CNTNAP4: variants seen among roughly 807,000 people sequenced by gnomAD.
The protein encoded by CNTNAP4 is contactin-associated protein-like 4.
In CNTNAP4, 98 loss-of-function variants were observed where a neutral mutation model predicts 148.4. The ratio of observed to expected loss-of-function variants is 0.66; its 90% confidence interval spans 0.56 to 0.78. CNTNAP4 has a LOEUF of 0.78. Ranked by LOEUF, CNTNAP4 falls within the 30% of genes least tolerant of loss-of-function variation. The probability of loss-of-function intolerance (pLI) is 0.00; values close to 1 mark genes in which losing one functional copy is unlikely to be tolerated. For missense variants in CNTNAP4, 1,935 were observed against 1,565.6 expected, an observed-to-expected ratio of 1.24 and a Z score of -3.98; for synonymous variants, 730 against 565.1, an observed-to-expected ratio of 1.29 and a Z score of -4.14.
At chr16:76,423,047 A>G (rs1006434149) in intron 3 of CNTNAP4, among the ~76,000 whole-genome samples, 1 of 152,136 alleles carries the variant, frequency 6.6e-6, no homozygotes, top group Non-Finnish European at 1.5e-5. Flanking sequence ...CCGTTCCACG[A>G]TGTGAGACTA....
intron 1 of CNTNAP4, among the ~76,000 whole-genome samples, chr16:76,304,495 T>C (rs1451027789): frequency 6.6e-6 from 1 of 152,170 alleles, no homozygotes; most frequent in Non-Finnish European, 1.5e-5. Flanking sequence ...TGGCTGAGCC[T>C]GGAGCATCCC....
At chr16:76,426,541 C>T (rs1568121156) in intron 3 of CNTNAP4, among the ~76,000 whole-genome samples, 1 of 152,172 alleles carries the variant, frequency 6.6e-6, no homozygotes, top group Non-Finnish European at 1.5e-5. Context: ...ACTTCTCCAC[C>T]TGTAGTCTTA....
chr16:76,460,771 A>ATATATATATATATATATATATATATATAT (rs1189756560), intron 8 of CNTNAP4, among the ~76,000 whole-genome samples: 1 of 33,658 alleles, frequency 3.0e-5, no homozygotes, highest in Non-Finnish European at 7.4e-5. Context: ...AAAAAAAAAA[A>ATATATATATATATATATATATATATATAT]AAATATATAT....
At chr16:76,314,148 T>C (rs1961446438) in intron 1 of CNTNAP4, among the ~76,000 whole-genome samples, 1 of 152,240 alleles carries the variant, frequency 6.6e-6, no homozygotes, top group Non-Finnish European at 1.5e-5. Flanking sequence ...AATATGTATG[T>C]ATACACATTG....
At chr16:76,327,861 A>T (rs1325290876) in intron 2 of CNTNAP4, among the ~76,000 whole-genome samples, 1 of 152,194 alleles carries the variant, frequency 6.6e-6, no homozygotes, top group Non-Finnish European at 1.5e-5. Flanking sequence ...GGCATTGGAT[A>T]CCAGTAGCTT....
intron 17 of CNTNAP4, among the ~76,000 whole-genome samples, chr16:76,523,748 G>C: frequency 6.6e-6 from 1 of 152,044 alleles, no homozygotes; most frequent in East Asian, 1.9e-4. Flanking sequence ...AACACAGCAA[G>C]ATCCATCTCT....
chr16:76,460,624 G>C (rs373117709), intron 8 of CNTNAP4, among the ~76,000 whole-genome samples: 1 of 147,886 alleles, frequency 6.8e-6, no homozygotes, highest in African/African-American at 2.5e-5. Context: ...TTAGCCAGGC[G>C]TGGTGGCAAG....
intron 3 of CNTNAP4, 90 bp downstream of exon 3, chr16:76,355,601 A>T (rs17699131): frequency 0.13 from 117,384 of 911,830 alleles, 10,800 homozygotes; most frequent in East Asian, 0.44. Flanking sequence ...TTAAGTAGAC[A>T]TACAGAATCT....
At chr16:76,317,252 C>CAAAAAAAAAAAGA (rs1961863055) in intron 2 of CNTNAP4, among the ~76,000 whole-genome samples, 1 of 86,282 alleles carries the variant, frequency 1.2e-5, no homozygotes, top group African/African-American at 4.1e-5. Flanking sequence ...GACCCTGTCT[C>CAAAAAAAAAAAGA]AAAAAAAAAA....
chr16:76,492,179 G>A (rs4888516), intron 13 of CNTNAP4, among the ~76,000 whole-genome samples: 121,667 of 152,048 alleles, frequency 0.8, 50,137 homozygotes, highest in East Asian at 0.96. Flanking sequence ...CTGGAGACAT[G>A]GTATACAGAA....
At chr16:76,350,961 G>A (rs8045862) in intron 2 of CNTNAP4, among the ~76,000 whole-genome samples, 19,801 of 152,102 alleles carry the variant, frequency 0.13, 2,005 homozygotes, top group East Asian at 0.47. Flanking sequence ...GCAGTATGGG[G>A]ACAAATAGGA....
At chr16:76,445,543 T>G (rs1218708069) in intron 4 of CNTNAP4, among the ~76,000 whole-genome samples, 1 of 152,178 alleles carries the variant, frequency 6.6e-6, no homozygotes, top group Non-Finnish European at 1.5e-5. Context: ...GGCCTTGGTT[T>G]AAGAGTATGC....
chr16:76,437,797 G>T (rs1267621428), intron 4 of CNTNAP4, among the ~76,000 whole-genome samples: 2 of 152,038 alleles, frequency 1.3e-5, no homozygotes, highest in African/African-American at 4.8e-5. Context: ...AATAGAATTA[G>T]AAAATGTCTA....
intron 10 of CNTNAP4, among the ~76,000 whole-genome samples, chr16:76,475,380 C>G (rs2081534277): frequency 6.6e-6 from 1 of 152,138 alleles, no homozygotes; most frequent in Admixed American, 6.5e-5. Flanking sequence ...TTGAGTATGA[C>G]AGATATTTCT....
chr16:76,445,565 G>A (rs2080208063), intron 4 of CNTNAP4, among the ~76,000 whole-genome samples: 1 of 152,054 alleles, frequency 6.6e-6, no homozygotes, highest in South Asian at 2.1e-4. Context: ...ATTGCTTTAG[G>A]CATTAATGGT....
At chr16:76,407,775 A>G (rs2078645121) in intron 3 of CNTNAP4, among the ~76,000 whole-genome samples, 1 of 152,186 alleles carries the variant, frequency 6.6e-6, no homozygotes, top group Non-Finnish European at 1.5e-5. Flanking sequence ...AGAATATTAC[A>G]TGAACTTAGT....
chr16:76,479,339 T>A (rs1169981209), intron 11 of CNTNAP4, 80 bp from the exon 12 acceptor site: 2 of 1,262,240 alleles, frequency 1.6e-6, no homozygotes, highest in East Asian at 2.6e-5. Context: ...ATTTCAAGAT[T>A]TGCGGTATTT....
intron 3 of CNTNAP4, among the ~76,000 whole-genome samples, chr16:76,355,758 TTAAA>T (rs2012519616): frequency 6.6e-6 from 1 of 150,472 alleles, no homozygotes; most frequent in Non-Finnish European, 1.5e-5. Flanking sequence ...TATTAGTCCA[TTAAA>T]TAGTGTGGGA....
intron 2 of CNTNAP4, among the ~76,000 whole-genome samples, chr16:76,323,299 C>CT (rs1020387781): frequency 1.2e-4 from 18 of 148,112 alleles, no homozygotes; most frequent in East Asian, 3.9e-4. Context: ...ATATTTTTAC[C>CT]TTTTTTTTTT....
Sources: allele counts gnomAD v4.1 joint callset (sites outside exome capture counted in the v4.1 genomes callset), GRCh38; gene constraint gnomAD v4.1.1; transcripts MANE v1.5; gene names NCBI Gene and HGNC (gene_info 2026-07-23, HGNC 2026-07-21).